The following OXR1 variants were observed in gnomAD, a reference collection of about 807,000 sequenced individuals.
OXR1 encodes the protein oxidation resistance 1, also known as oxidation resistance protein 1.
A neutral mutation model predicts 104.6 loss-of-function variants in OXR1; 41 were observed. The ratio of observed to expected loss-of-function variants is 0.39; its 90% CI spans 0.31 to 0.51. OXR1 has a LOEUF of 0.51. Among genes scored for constraint, OXR1 ranks in the 20% least tolerant of loss-of-function variants. The pLI is 0.77. For missense variants in OXR1, 955 were observed against 1,031.9 expected (o/e 0.93, Z 1.02); for synonymous variants, 348 against 348.4 (o/e 1.00, Z 0.01).
chr8:106,735,507 C>T (rs564501991), intron 11 of OXR1, among the ~76,000 whole-genome samples: 1 of 152,122 alleles, frequency 6.6e-6, no homozygotes, highest in South Asian at 2.1e-4. Context: ...ATTTCACTTC[C>T]ACCCAGGAAG....
At chr8:106,440,845 T>C (rs540992728) in intron 2 of OXR1, among the ~76,000 whole-genome samples, 22 of 152,232 alleles carry the variant, frequency 1.4e-4, no homozygotes, top group Admixed American at 5.9e-4. Flanking sequence ...TTAACCTAGA[T>C]GATAGGAGTG....
At chr8:106,374,394 A>G (rs371417804) in intron 2 of OXR1, among the ~76,000 whole-genome samples, 10 of 152,302 alleles carry the variant, frequency 6.6e-5, no homozygotes, top group African/African-American at 2.4e-4. Flanking sequence ...AGACAAACTC[A>G]TTTTTATTAT....
intron 2 of OXR1, among the ~76,000 whole-genome samples, chr8:106,374,967 A>C (rs1161005220): frequency 6.6e-6 from 1 of 152,224 alleles, no homozygotes; most frequent in African/African-American, 2.4e-5. Context: ...ACAATTGACA[A>C]AAAATTAGAT....
At chr8:106,498,286 G>A (rs979342236) in intron 2 of OXR1, among the ~76,000 whole-genome samples, 5 of 152,110 alleles carry the variant, frequency 3.3e-5, no homozygotes, top group Non-Finnish European at 7.4e-5. Context: ...TTATTGCCTA[G>A]ATAATAAATC....
At chr8:106,628,790 G>C (rs930856717) in intron 3 of OXR1, among the ~76,000 whole-genome samples, 1 of 152,068 alleles carries the variant, frequency 6.6e-6, no homozygotes, top group Non-Finnish European at 1.5e-5. Flanking sequence ...GGCACTTCAC[G>C]TATGCAGCAC....
chr8:106,424,762 G>A (rs1300135844), intron 2 of OXR1, among the ~76,000 whole-genome samples: 1 of 151,724 alleles, frequency 6.6e-6, no homozygotes, highest in Non-Finnish European at 1.5e-5. Context: ...TACTTTCCTT[G>A]GACTCTATTT....
At chr8:106,324,328 A>G (rs941445660) in intron 1 of OXR1, among the ~76,000 whole-genome samples, 2 of 152,102 alleles carry the variant, frequency 1.3e-5, no homozygotes, top group Admixed American at 1.3e-4. Context: ...ATGAACACAA[A>G]GAAGGAAACA....
intron 3 of OXR1, among the ~76,000 whole-genome samples, chr8:106,665,575 GA>G (rs1412116072): frequency 1.3e-5 from 2 of 152,168 alleles, no homozygotes; most frequent in Admixed American, 6.5e-5. Context: ...ATTATAAATA[GA>G]ATGCACTTTT....
intron 3 of OXR1, among the ~76,000 whole-genome samples, chr8:106,628,803 T>G (rs747247769): frequency 5.3e-5 from 8 of 152,292 alleles, no homozygotes; most frequent in Middle Eastern, 3.4e-3. Context: ...TGCAGCACTG[T>G]GTCTCCATTG....
intron 1 of OXR1, among the ~76,000 whole-genome samples, chr8:106,294,034 A>C (rs1586483953): frequency 7.1e-6 from 1 of 140,284 alleles, no homozygotes; most frequent in Non-Finnish European, 1.5e-5. Flanking sequence ...TTTTTTTAAA[A>C]AGTCAATTAC....
At chr8:106,325,146 T>G (rs1211952571) in intron 1 of OXR1, among the ~76,000 whole-genome samples, 3 of 152,244 alleles carry the variant, frequency 2.0e-5, no homozygotes, top group Non-Finnish European at 4.4e-5. Flanking sequence ...AAGAATTTTT[T>G]ATTTCACAGA....
intron 3 of OXR1, among the ~76,000 whole-genome samples, chr8:106,631,007 G>A (rs537757197): frequency 2.0e-5 from 3 of 152,222 alleles, no homozygotes; most frequent in South Asian, 2.1e-4. Flanking sequence ...AAGATAATTG[G>A]AAAAGAAGAA....
chr8:106,460,878 G>A (rs1820869774), intron 2 of OXR1, among the ~76,000 whole-genome samples: 1 of 151,928 alleles, frequency 6.6e-6, no homozygotes, highest in African/African-American at 2.4e-5. Context: ...ACGTATAATT[G>A]GATGATATAT....
At chr8:106,399,801 G>C (rs576750926) in intron 2 of OXR1, among the ~76,000 whole-genome samples, 2 of 152,252 alleles carry the variant, frequency 1.3e-5, no homozygotes, top group South Asian at 4.1e-4. Context: ...GCTAATTAGT[G>C]GTAAAGTCAG....
At chr8:106,730,599 G>A (rs1048056451) in intron 11 of OXR1, among the ~76,000 whole-genome samples, 1 of 151,984 alleles carries the variant, frequency 6.6e-6, no homozygotes, top group Non-Finnish European at 1.5e-5. Context: ...CTATTTTATG[G>A]TTTTATCCAC....
At chr8:106,719,236 T>C (rs1006901657) in intron 11 of OXR1, among the ~76,000 whole-genome samples, 6 of 152,214 alleles carry the variant, frequency 3.9e-5, no homozygotes, top group Non-Finnish European at 8.8e-5. Context: ...AGGGAAGTGC[T>C]CTAATGGCAT....
At chr8:106,674,248 A>G (rs1037150070) in intron 3 of OXR1, among the ~76,000 whole-genome samples, 1 of 152,218 alleles carries the variant, frequency 6.6e-6, no homozygotes, top group Non-Finnish European at 1.5e-5. Context: ...CTCTTGCATC[A>G]GTGTGACCTG....
intron 3 of OXR1, among the ~76,000 whole-genome samples, chr8:106,558,937 G>A (rs987528956): frequency 6.6e-6 from 1 of 152,148 alleles, no homozygotes; most frequent in African/African-American, 2.4e-5. Flanking sequence ...ACAATTCTTA[G>A]GAGAAAAGGT....
chr8:106,503,636 GA>G (rs1811956799), intron 2 of OXR1, among the ~76,000 whole-genome samples: 1 of 152,188 alleles, frequency 6.6e-6, no homozygotes, highest in Non-Finnish European at 1.5e-5. Flanking sequence ...TACGAGAAAT[GA>G]AAAGGGGGAG....
Sources: allele counts gnomAD v4.1 joint callset (sites outside exome capture counted in the v4.1 genomes callset), GRCh38; gene constraint gnomAD v4.1.1; transcripts MANE v1.5; gene names NCBI Gene and HGNC (gene_info 2026-07-23, HGNC 2026-07-21).